DPP6: variants seen among roughly 807,000 people sequenced by gnomAD.
DPP6 encodes A-type potassium channel modulatory protein DPP6.
DPP6 carries 69 observed loss-of-function variants against 122.6 expected under a neutral mutation model. The ratio of observed to expected loss-of-function variants is 0.56; its 90% CI spans 0.46 to 0.69. The LOEUF (loss-of-function observed/expected upper bound fraction) is 0.69, where lower values mean the gene tolerates loss of function less well. Among genes scored for constraint, DPP6 ranks in the 30% least tolerant of loss-of-function variants. DPP6 has a pLI of 0.00. For missense variants in DPP6, 928 were observed against 1,116.9 expected (o/e 0.83, Z 2.41); for synonymous variants, 418 against 433.1 (o/e 0.97, Z 0.43).
intron 1 of DPP6, among the ~76,000 whole-genome samples, chr7:154,198,195 G>A (rs192389335): frequency 2.6e-5 from 4 of 152,184 alleles, no homozygotes; most frequent in Non-Finnish European, 5.9e-5. Flanking sequence ...CCTTTTCCAG[G>A]TACATAGACA....
At chr7:154,637,016 CG>C (rs1835769194) in intron 5 of DPP6, among the ~76,000 whole-genome samples, 1 of 152,074 alleles carries the variant, frequency 6.6e-6, no homozygotes, top group South Asian at 2.1e-4. Context: ...CCACATATTC[CG>C]TATGTTCGAC....
chr7:154,464,691 G>C (rs760085294), intron 2 of DPP6, among the ~76,000 whole-genome samples: 1 of 152,108 alleles, frequency 6.6e-6, no homozygotes, highest in Non-Finnish European at 1.5e-5. Context: ...AGTTACAATT[G>C]GTCTATTGAT....
intron 8 of DPP6, among the ~76,000 whole-genome samples, chr7:154,767,198 G>A (rs2131539908): frequency 6.6e-6 from 1 of 152,276 alleles, no homozygotes; most frequent in African/African-American, 2.4e-5. Flanking sequence ...AACCACTGCA[G>A]GGCTCCTCTG....
intron 1 of DPP6, among the ~76,000 whole-genome samples, chr7:154,317,693 TAATG>T (rs1014639140): frequency 1.3e-4 from 20 of 152,260 alleles, no homozygotes; most frequent in African/African-American, 4.1e-4. Flanking sequence ...ATGGCCCCAG[TAATG>T]AATGGATGTG....
chr7:154,781,866 C>T (rs1347128146), intron 10 of DPP6, among the ~76,000 whole-genome samples: 1 of 152,192 alleles, frequency 6.6e-6, no homozygotes, highest in African/African-American at 2.4e-5. Flanking sequence ...GGATTTGCAA[C>T]ACAAAGAAGT....
At chr7:154,502,899 T>C (rs2129643606) in intron 3 of DPP6, among the ~76,000 whole-genome samples, 1 of 152,338 alleles carries the variant, frequency 6.6e-6, no homozygotes. Context: ...AAAGAGTCTT[T>C]TAAAGACTCT....
At chr7:153,752,563 AC>A in the DPP6 span, among the ~76,000 whole-genome samples, 1 of 151,506 alleles carries the variant, frequency 6.6e-6, no homozygotes, top group South Asian at 2.1e-4. Flanking sequence ...GCCTCTTTTT[AC>A]ATGGTCGCCT....
intron 1 of DPP6, among the ~76,000 whole-genome samples, chr7:154,356,780 T>C (rs1811303919): frequency 6.6e-6 from 1 of 152,142 alleles, no homozygotes; most frequent in Admixed American, 6.6e-5. Flanking sequence ...TTGCTGAAGG[T>C]CATTTTAGTT....
intron 1 of DPP6, among the ~76,000 whole-genome samples, chr7:154,349,670 T>G (rs1810688788): frequency 6.6e-6 from 1 of 152,206 alleles, no homozygotes; most frequent in South Asian, 2.1e-4. Context: ...TAGGAAATAA[T>G]AAACTTGTAA....
chr7:154,121,683 G>C (rs752349679), intron 1 of DPP6, among the ~76,000 whole-genome samples: 1 of 152,142 alleles, frequency 6.6e-6, no homozygotes, highest in Non-Finnish European at 1.5e-5. Flanking sequence ...ATGAAGACTT[G>C]TTTTGTGACC....
At chr7:154,374,204 G>A (rs1243990419) in intron 1 of DPP6, among the ~76,000 whole-genome samples, 1 of 152,122 alleles carries the variant, frequency 6.6e-6, no homozygotes, top group East Asian at 1.9e-4. Flanking sequence ...CCACCTGCTG[G>A]GTGACCTTGG....
At chr7:154,315,431 A>G (rs575625416) in intron 1 of DPP6, among the ~76,000 whole-genome samples, 16 of 152,262 alleles carry the variant, frequency 1.1e-4, no homozygotes, top group Middle Eastern at 3.4e-3. Flanking sequence ...ACTGCTTGCC[A>G]GAAAAATCCC....
chr7:154,862,702 A>G (rs1803510950), intron 17 of DPP6, among the ~76,000 whole-genome samples: 1 of 152,120 alleles, frequency 6.6e-6, no homozygotes, highest in Non-Finnish European at 1.5e-5. Context: ...GGACACACAC[A>G]TGAGTCCCCT....
At chr7:154,798,960 G>A (rs1428159284) in intron 12 of DPP6, among the ~76,000 whole-genome samples, 2 of 152,136 alleles carry the variant, frequency 1.3e-5, no homozygotes, top group African/African-American at 2.4e-5. Flanking sequence ...GCCTAAGGGG[G>A]TTTTCCTGGG....
intron 7 of DPP6, among the ~76,000 whole-genome samples, chr7:154,710,247 C>T (rs1016083556): frequency 1.3e-5 from 2 of 152,210 alleles, no homozygotes; most frequent in African/African-American, 4.8e-5. Context: ...ACGAGGGTCA[C>T]CAGACTGGGA....
At position 154,173,726 on chromosome 7, in the gene DPP6, C is replaced by A. The variant is rs183035579; in HGVS notation, c.243+120663C>A. On this transcript the variant is annotated intron_variant, in intron 1 of 25. Transcript: ENST00000377770. ...TATTGAAGGGGACAGACACGGGATT[C>A]CTATTATGGCCAACGCAGACTCACC... Among the ~76,000 whole-genome samples the A allele has an allele frequency of 4.6e-5, 7 of 152,296 alleles. No individual in the cohort carries two copies. In the East Asian group the frequency reaches 1.4e-3, roughly 29 times the overall value.
chr7:154,616,480 T>G (rs141246050), intron 5 of DPP6, among the ~76,000 whole-genome samples: 1 of 152,096 alleles, frequency 6.6e-6, no homozygotes, highest in Non-Finnish European at 1.5e-5. Flanking sequence ...AAAACAATAC[T>G]GAGAGGGGTC....
At chr7:154,181,543 G>A (rs1197562230) in intron 1 of DPP6, among the ~76,000 whole-genome samples, 4 of 152,186 alleles carry the variant, frequency 2.6e-5, no homozygotes, top group African/African-American at 9.6e-5. Context: ...CCAGAGAGGA[G>A]CTGAGCTCAC....
the DPP6 span, among the ~76,000 whole-genome samples, chr7:153,843,656 G>A: frequency 6.6e-6 from 1 of 152,162 alleles, no homozygotes; most frequent in African/African-American, 2.4e-5. Context: ...TGGGGATGAA[G>A]TAATTCTTTA....
Sources: allele counts gnomAD v4.1 joint callset (sites outside exome capture counted in the v4.1 genomes callset), GRCh38; gene constraint gnomAD v4.1.1; transcripts MANE v1.5; gene names NCBI Gene and HGNC (gene_info 2026-07-23, HGNC 2026-07-21).